The following LYZL4 variants were observed in gnomAD, a reference collection of about 807,000 sequenced individuals.
LYZL4 encodes lysozyme like 4.
Under a neutral mutation model 17.6 loss-of-function variants are expected in LYZL4, and 13 were observed. That is an observed-to-expected ratio of 0.74 (90% CI 0.48 to 1.18). The LOEUF (loss-of-function observed/expected upper bound fraction) is 1.18, where lower values mean the gene tolerates loss of function less well. Among genes scored for constraint, LYZL4 ranks in the 50% most tolerant of loss-of-function variants. LYZL4 has a pLI of 0.00. For synonymous variants in LYZL4, 64 were observed against 67.7 expected (o/e 0.95, Z 0.27); for missense variants, 174 against 188.2 (o/e 0.92, Z 0.44).
At chr3:42,384,434 C>T in the LYZL4 span, among the ~76,000 whole-genome samples, 10 of 152,206 alleles carry the variant, frequency 6.6e-5, no homozygotes, top group Middle Eastern at 3.4e-3. Flanking sequence ...TCAAGAATGA[C>T]AGGTGTGCAT....
the LYZL4 span, among the ~76,000 whole-genome samples, chr3:42,389,806 T>A: frequency 6.6e-6 from 1 of 152,138 alleles, no homozygotes; most frequent in Non-Finnish European, 1.5e-5. Context: ...TTCCTACTTA[T>A]AGGAATCCAT....
downstream of LYZL4, among the ~76,000 whole-genome samples, chr3:42,395,912 T>G (rs1444315310): frequency 2.0e-5 from 3 of 151,902 alleles, no homozygotes; most frequent in Non-Finnish European, 4.4e-5. Context: ...AATACAAAAA[T>G]TAGCCAGGTG....
chr3:42,366,232 G>A, the LYZL4 span, among the ~76,000 whole-genome samples: 1 of 152,228 alleles, frequency 6.6e-6, no homozygotes, highest in African/African-American at 2.4e-5. Context: ...TGAACTGCAG[G>A]CCCTCGTGTG....
chr3:42,405,284 G>A (rs1698729192), intron 3 of LYZL4, among the ~76,000 whole-genome samples: 1 of 152,118 alleles, frequency 6.6e-6, no homozygotes, highest in Admixed American at 6.5e-5. Flanking sequence ...TCCTGACCTC[G>A]TGATCCGCCC....
intron 1 of LYZL4, 60 bp from the exon 2 acceptor site, chr3:42,407,403 G>T: frequency 1.0e-6 from 1 of 957,586 alleles, no homozygotes; most frequent in Non-Finnish European, 1.5e-6. Context: ...GTCTCACCTG[G>T]TAAGCCATGA....
intron 1 of LYZL4, chr3:42,407,637 T>A (rs1305500030): frequency 5.6e-6 from 1 of 179,860 alleles, no homozygotes; most frequent in Non-Finnish European, 1.2e-5. Context: ...TCAAGACCTT[T>A]CTTCCCTTTA....
At chr3:42,391,742 A>G in the LYZL4 span, among the ~76,000 whole-genome samples, 1 of 152,134 alleles carries the variant, frequency 6.6e-6, no homozygotes, top group East Asian at 1.9e-4. Flanking sequence ...TTACAATATC[A>G]GTTTTAAGAA....
At chr3:42,407,788 C>T (rs926472554) in intron 1 of LYZL4, among the ~76,000 whole-genome samples, 3 of 152,028 alleles carry the variant, frequency 2.0e-5, no homozygotes, top group Non-Finnish European at 4.4e-5. Context: ...GCCTCTTATG[C>T]GTCTTATTCC....
At chr3:42,377,950 T>C in the LYZL4 span, among the ~76,000 whole-genome samples, 106 of 152,316 alleles carry the variant, frequency 7.0e-4, 1 homozygote, top group African/African-American at 2.5e-3. Flanking sequence ...CCAAGGTCTA[T>C]GTCTCTCAGT....
At chr3:42,389,551 C>T in the LYZL4 span, among the ~76,000 whole-genome samples, 14 of 152,306 alleles carry the variant, frequency 9.2e-5, no homozygotes, top group South Asian at 2.3e-3. Flanking sequence ...AGCATAGCAC[C>T]GTAGGGTCTT....
At chr3:42,380,334 C>T in the LYZL4 span, among the ~76,000 whole-genome samples, 1 of 152,184 alleles carries the variant, frequency 6.6e-6, no homozygotes, top group African/African-American at 2.4e-5. Flanking sequence ...AGTCACATAA[C>T]TGATAAATTG....
chr3:42,360,866 G>T, the LYZL4 span, among the ~76,000 whole-genome samples: 2 of 151,600 alleles, frequency 1.3e-5, no homozygotes, highest in Non-Finnish European at 2.9e-5. Context: ...TTCTTTTCTC[G>T]TCATATCTGT....
At chr3:42,375,304 G>A in the LYZL4 span, among the ~76,000 whole-genome samples, 10 of 152,236 alleles carry the variant, frequency 6.6e-5, no homozygotes, top group Non-Finnish European at 1.2e-4. Context: ...CGTTGTTATT[G>A]TGACATCCAG....
the LYZL4 span, among the ~76,000 whole-genome samples, chr3:42,372,922 C>T: frequency 3.5e-4 from 54 of 152,214 alleles, no homozygotes; most frequent in African/African-American, 1.3e-3. Context: ...AATTAGGATG[C>T]ATGGCTGGGT....
the LYZL4 span, among the ~76,000 whole-genome samples, chr3:42,389,092 C>T: frequency 8.5e-5 from 13 of 152,242 alleles, no homozygotes; most frequent in Admixed American, 8.5e-4. Context: ...GCTCCACTTG[C>T]ACCTGCTTCT....
the LYZL4 span, among the ~76,000 whole-genome samples, chr3:42,381,453 C>A: frequency 9.1e-3 from 1,379 of 152,298 alleles, 16 homozygotes; most frequent in Non-Finnish European, 0.015. Context: ...AGGCCATATT[C>A]TTTGCCGGCT....
At chr3:42,367,554 G>A in the LYZL4 span, among the ~76,000 whole-genome samples, 1 of 152,170 alleles carries the variant, frequency 6.6e-6, no homozygotes, top group South Asian at 2.1e-4. Context: ...GGCACAGGAG[G>A]GTCAAGGGTG....
At chr3:42,362,219 A>G in the LYZL4 span, among the ~76,000 whole-genome samples, 1 of 152,252 alleles carries the variant, frequency 6.6e-6, no homozygotes, top group Non-Finnish European at 1.5e-5. Flanking sequence ...ATTAAAAAAC[A>G]AAAAAGACAT....
the LYZL4 span, among the ~76,000 whole-genome samples, chr3:42,375,150 C>T: frequency 6.6e-6 from 1 of 152,066 alleles, no homozygotes; most frequent in African/African-American, 2.4e-5. Flanking sequence ...CAAGGATCCC[C>T]CCGCCTCCAC....
Sources: gnomAD v4.1 joint callset for allele counts (sites outside exome capture counted in the v4.1 genomes callset) on GRCh38, gnomAD v4.1.1 for gene constraint, MANE v1.5 for transcripts, NCBI Gene and HGNC (gene_info 2026-07-23, HGNC 2026-07-21) for gene names.